The following ASXL3 variants were observed in gnomAD, a reference collection of about 807,000 sequenced individuals.
ASXL3 encodes the protein putative Polycomb group protein ASXL3.
ASXL3 carries 34 observed loss-of-function variants against 170.6 expected under a neutral mutation model. The observed-to-expected ratio is 0.20, with a 90% CI of 0.15 to 0.27. ASXL3 has a LOEUF of 0.27. Among genes scored for constraint, ASXL3 ranks in the 10% least tolerant of loss-of-function variants. ASXL3 has a pLI of 1.00. For missense variants in ASXL3, 2,592 were observed against 2,695.3 expected, an observed-to-expected ratio of 0.96 and a Z score of 0.85; for synonymous variants, 1,002 against 989.1, an observed-to-expected ratio of 1.01 and a Z score of -0.24.
chr18:33,680,186 G>A (rs532178288), intron 7 of ASXL3, among the ~76,000 whole-genome samples: 70 of 151,736 alleles, frequency 4.6e-4, no homozygotes, highest in African/African-American at 1.4e-3. Flanking sequence ...TATAATTTCC[G>A]TTACAATTTT....
At chr18:33,729,824 G>T (rs551216780) in intron 8 of ASXL3, among the ~76,000 whole-genome samples, 130 of 151,968 alleles carry the variant, frequency 8.6e-4, no homozygotes, top group Non-Finnish European at 1.2e-3. Context: ...TTGAGCCATT[G>T]GTTGTCTTGC....
chr18:33,594,687 A>G (rs1477362813), intron 1 of ASXL3, among the ~76,000 whole-genome samples: 3 of 152,156 alleles, frequency 2.0e-5, no homozygotes, highest in Non-Finnish European at 2.9e-5. Context: ...TAAGGTAGGT[A>G]GTACATCAAG....
At chr18:33,678,618 C>T (rs765109155) in intron 7 of ASXL3, among the ~76,000 whole-genome samples, 2 of 152,160 alleles carry the variant, frequency 1.3e-5, no homozygotes, top group Middle Eastern at 3.2e-3. Flanking sequence ...GCTGTGGCAA[C>T]GTAGCAATTG....
At chr18:33,711,376 A>G (rs1445070940) in intron 8 of ASXL3, among the ~76,000 whole-genome samples, 1 of 152,198 alleles carries the variant, frequency 6.6e-6, no homozygotes, top group East Asian at 1.9e-4. Flanking sequence ...TTAAAAATAT[A>G]TGTGATCTTC....
Position 33,744,850 on chromosome 18 carries a change from G to A in ASXL3, c.5002G>A (p.Val1668Met), listed in dbSNP as rs143578678. 630 of 1,614,024 alleles carry A rather than the reference G, an allele frequency of 3.9e-4. 5 individuals are homozygous for A. The African/African-American group carries it at 7.1e-3, about 18-fold the overall frequency. ...TCTTGTAACAAATGTTGCTCTTCCT[G>A]TGAAATCTGAACTTCACGAAGCAGA... is the stretch of plus-strand genomic sequence containing the variant. ...RNLVTNVALP[V>M]KSELHEADKG... Residue 1668 changes from valine to methionine, a missense_variant, in exon 12 of 12, where the codon GTG becomes ATG. Transcript: ENST00000269197.
rs2064970981 is a variant in ASXL3 at position 33,579,056 on chromosome 18, C to G, written c.54+371C>G. The G allele has an allele frequency of 1.9e-5, 3 of 158,918 alleles. No homozygotes were observed. In the Admixed American group the frequency reaches 1.9e-4, roughly 10 times the overall value. The allele number at this position is 158,918 out of a possible 1,614,324, so 9.8% of individuals were successfully genotyped here. A position where few individuals can be genotyped will look rare whatever the true frequency, so the allele number is the denominator to read the frequency against. ...TTGTGTGGCAATTACCACTCCCTCCCGGCCCCTCCACCCCCCGGAATTTCA... is the reference window on the plus strand; with the variant it reads ...TTGTGTGGCAATTACCACTCCCTCCGGGCCCCTCCACCCCCCGGAATTTCA... On this transcript the variant is annotated intron_variant, in intron 1 of 11. Coordinates refer to ENST00000269197, the MANE Select transcript of ASXL3 (RefSeq NM_030632.3).
intron 8 of ASXL3, 24 bp downstream of exon 8, chr18:33,683,592 G>A: frequency 6.3e-7 from 1 of 1,590,236 alleles, no homozygotes; most frequent in Non-Finnish European, 8.6e-7. Flanking sequence ...TTAGACATTT[G>A]ATACCAGCCA....
At chr18:33,620,061 T>C (rs2065485755) in intron 2 of ASXL3, among the ~76,000 whole-genome samples, 3 of 152,128 alleles carry the variant, frequency 2.0e-5, no homozygotes. Context: ...CACTTGTTCA[T>C]CCACTCTCCT....
At chr18:33,596,434 A>G (rs1346352897) in intron 1 of ASXL3, among the ~76,000 whole-genome samples, 1 of 152,292 alleles carries the variant, frequency 6.6e-6, no homozygotes, top group Non-Finnish European at 1.5e-5. Flanking sequence ...ATCTATAGTC[A>G]GGAGAAAAGA....
chr18:33,739,714 G>C lies in ASXL3; in HGVS notation c.2310G>C (p.Lys770Asn). ...INERMAHQQR[K>N]SPSVSEEPLS... ...AGAGAATGGCACATCAGCAAAGAAA[G>C]TCACCTTCTGTATCTGAAGAGCCAC... Residue 770 changes from lysine to asparagine, a missense_variant, in exon 11 of 12, where the codon AAG becomes AAC. Lys to Asn is a moderately conservative substitution (Grantham distance 94, BLOSUM62 0). Coordinates refer to ENST00000269197, the MANE Select transcript of ASXL3 (RefSeq NM_030632.3). 6.2e-7 allele frequency: 1 copy of C among 1,613,856 alleles called. No individual in the cohort carries two copies. The highest frequency in any genetic ancestry group is 1.1e-5 in the South Asian group (1 of 91,086).
intron 7 of ASXL3, among the ~76,000 whole-genome samples, chr18:33,674,602 C>T (rs2066396062): frequency 6.6e-6 from 1 of 151,992 alleles, no homozygotes; most frequent in African/African-American, 2.4e-5. Flanking sequence ...ATGTAACCAT[C>T]TCCAGAAAGT....
intron 2 of ASXL3, among the ~76,000 whole-genome samples, chr18:33,624,884 G>T (rs1324821231): frequency 6.6e-6 from 1 of 152,036 alleles, no homozygotes; most frequent in Non-Finnish European, 1.5e-5. Flanking sequence ...TTATATGCTA[G>T]GATTTTTCCA....
Position 33,746,207 on chromosome 18 carries a change from C to T in ASXL3, c.6359C>T (p.Ala2120Val), listed in dbSNP as rs151081332. 5.0e-4 allele frequency: 814 copies of T among 1,613,864 alleles called. 2 individuals carry two copies. The African/African-American group carries it at 6.5e-3, about 13-fold the overall frequency. The change falls in exon 12 of 12, where the codon GCA becomes GTA. Residue 2120 changes from alanine (A) to valine (V), a missense_variant. Coordinates refer to ENST00000269197, the MANE Select transcript of ASXL3 (RefSeq NM_030632.3). Reference sequence around the variant, plus strand: ...TTAAAAGCATTCGCGCTAAAAAGTGCAGATTTCTCTTCCTATTTGCTTTCT... The same window carrying T: ...TTAAAAGCATTCGCGCTAAAAAGTGTAGATTTCTCTTCCTATTTGCTTTCT... ...EQLKAFALKS[A>V]DFSSYLLSEP... is the part of the protein sequence containing the mutation.
intron 2 of ASXL3, among the ~76,000 whole-genome samples, chr18:33,631,045 T>C (rs1224370266): frequency 6.6e-6 from 1 of 152,042 alleles, no homozygotes; most frequent in Non-Finnish European, 1.5e-5. Flanking sequence ...AGTTAGAAGC[T>C]GTGAAATAAA....
Position 33,730,002 on chromosome 18 carries a change from C to T in ASXL3, c.880-1966C>T, listed in dbSNP as rs545000646. Reference sequence around the variant, plus strand: ...CCTATCTGTCTCCTTTCTTTGCCTACTGGTCCAACAGAATGAATAATACAA... The same window carrying T: ...CCTATCTGTCTCCTTTCTTTGCCTATTGGTCCAACAGAATGAATAATACAA... On this transcript the variant is annotated intron_variant, in intron 8 of 11. Transcript: ENST00000269197. Among the ~76,000 whole-genome samples the T allele has an allele frequency of 3.3e-5, 5 of 152,240 alleles. No homozygotes were observed. In the East Asian group the frequency reaches 7.7e-4, roughly 24 times the overall value.
chr18:33,736,028 T>C (rs1049465690), intron 10 of ASXL3, among the ~76,000 whole-genome samples: 3 of 152,054 alleles, frequency 2.0e-5, no homozygotes, highest in Non-Finnish European at 4.4e-5. Flanking sequence ...TCCCAACAAT[T>C]CCATAAGATG....
At chr18:33,583,599 T>C (rs1389853244) in intron 1 of ASXL3, among the ~76,000 whole-genome samples, 1 of 152,176 alleles carries the variant, frequency 6.6e-6, no homozygotes, top group African/African-American at 2.4e-5. Flanking sequence ...GAATGAGTAA[T>C]GTGAACTTAG....
At chr18:33,620,111 C>T (rs1461335845) in intron 2 of ASXL3, among the ~76,000 whole-genome samples, 1 of 152,130 alleles carries the variant, frequency 6.6e-6, no homozygotes, top group Non-Finnish European at 1.5e-5. Context: ...AGTATGAAAA[C>T]CTCACCCTTT....
In ASXL3 at chr18:33,590,102, GCTTT is replaced by G. The variant is rs1013810426; in HGVS notation, c.54+11420_54+11423del. Among the ~76,000 whole-genome samples the G allele has an allele frequency of 3.8e-4, 43 of 112,440 alleles. No individual in the cohort carries two copies. The East Asian group carries it at 7.4e-3, about 19-fold the overall frequency. The allele number at this position is 112,440 out of a possible 152,430, so 73.8% of individuals were successfully genotyped here. A position where few individuals can be genotyped will look rare whatever the true frequency, so the allele number is the denominator to read the frequency against. ...CTTAGAGAATGTCGTCAAGGTATTT[GCTTT>G]CTATGTTTTTTTTTTTTTTTTTTTG... On this transcript the variant is annotated intron_variant, in intron 1 of 11. Coordinates refer to ENST00000269197, the MANE Select transcript of ASXL3 (RefSeq NM_030632.3).
Sources: gnomAD v4.1 joint callset for allele counts (sites outside exome capture counted in the v4.1 genomes callset) on GRCh38, gnomAD v4.1.1 for gene constraint, MANE v1.5 for transcripts, NCBI Gene and HGNC (gene_info 2026-07-23, HGNC 2026-07-21) for gene names.